Variants in CHST15 observed in about 807,000 individuals in gnomAD.
CHST15 encodes B cell RAG associated protein (GALNAC4S-6ST).
A neutral mutation model predicts 53.6 loss-of-function variants in CHST15; 30 were observed. The observed-to-expected ratio is 0.56, with a 90% CI of 0.42 to 0.76. The LOEUF (loss-of-function observed/expected upper bound fraction) is 0.76. CHST15 is among the 30% of genes least tolerant of loss of function. The pLI is 0.00. For missense variants in CHST15, 627 were observed against 740.5 expected (o/e 0.85, Z 1.78); for synonymous variants, 296 against 289.8 (o/e 1.02, Z -0.22).
chr10:124,011,870 A>G (rs1946426717), intron 7 of CHST15: 1 of 984,982 alleles, frequency 1.0e-6, no homozygotes, highest in South Asian at 4.7e-5. Context: ...CTAAGCCCCA[A>G]GTCCTCTGCT....
intron 5 of CHST15, among the ~76,000 whole-genome samples, chr10:124,023,930 G>A (rs1256388480): frequency 6.7e-6 from 1 of 150,020 alleles, no homozygotes; most frequent in Non-Finnish European, 1.5e-5. Flanking sequence ...TGCAACCTCC[G>A]CCTCCCGGGT....
intron 5 of CHST15, among the ~76,000 whole-genome samples, chr10:124,035,110 G>GGCTCCGCCCCCTAACAGGGACCCCA (rs1198496023): frequency 7.8e-6 from 1 of 128,662 alleles, no homozygotes; most frequent in Non-Finnish European, 1.6e-5. Context: ...CAGGGACCCC[G>GGCTCCGCCCCCTAACAGGGACCCCA]GCTCCGCCCC....
chr10:124,069,660 G>A (rs1236924689), intron 1 of CHST15, among the ~76,000 whole-genome samples: 2 of 152,222 alleles, frequency 1.3e-5, no homozygotes, highest in East Asian at 3.8e-4. Flanking sequence ...ACTTTAAACA[G>A]GTGAGGCAGA....
At chr10:124,057,675 G>A (rs890849654) in intron 1 of CHST15, among the ~76,000 whole-genome samples, 1 of 152,208 alleles carries the variant, frequency 6.6e-6, no homozygotes, top group African/African-American at 2.4e-5. Context: ...CAGAGAATCT[G>A]CAGAAGAACT....
intron 4 of CHST15, among the ~76,000 whole-genome samples, chr10:124,039,753 G>C (rs368013495): frequency 6.6e-6 from 1 of 152,362 alleles, no homozygotes; most frequent in East Asian, 1.9e-4. Context: ...TTTGAGGAGA[G>C]ACAGTGTGTG....
At chr10:124,023,937 G>A (rs987343632) in intron 5 of CHST15, among the ~76,000 whole-genome samples, 8 of 150,974 alleles carry the variant, frequency 5.3e-5, no homozygotes, top group East Asian at 2.0e-4. Flanking sequence ...TCCGCCTCCC[G>A]GGTTCAAGCA....
At chr10:124,050,273 C>A (rs1948146381) in intron 1 of CHST15, among the ~76,000 whole-genome samples, 1 of 152,138 alleles carries the variant, frequency 6.6e-6, no homozygotes, top group African/African-American at 2.4e-5. Flanking sequence ...GGCCTGTTCC[C>A]AAGTGGAGCT....
chr10:124,032,056 T>C (rs1436760108), intron 5 of CHST15, among the ~76,000 whole-genome samples: 2 of 152,218 alleles, frequency 1.3e-5, no homozygotes, highest in African/African-American at 4.8e-5. Flanking sequence ...TGTGTCCCCA[T>C]GAGTGACTGC....
chr10:124,076,533 G>A (rs140841748), intron 1 of CHST15, among the ~76,000 whole-genome samples: 70 of 152,200 alleles, frequency 4.6e-4, no homozygotes, highest in Non-Finnish European at 7.2e-4. Context: ...CCGTGCCCCC[G>A]GGGAGTTCAC....
At position 124,024,951 on chromosome 10, in the gene CHST15, A is replaced by G. The variant is rs1406833147; in HGVS notation, c.1191-3539T>C. Among the ~76,000 whole-genome samples, 2 of 152,242 alleles carry G rather than the reference A, an allele frequency of 1.3e-5. No individual in the cohort carries two copies. The highest frequency in any genetic ancestry group is 2.9e-5 in the Non-Finnish European group (2 of 68,036). On this transcript the variant is annotated intron_variant, in intron 5 of 7. Transcript: ENST00000435907. This position sits in a 1 kb window ranked among gnomAD's most constrained non-coding sequence, Gnocchi z 4.0. ...TCATAAAATCCCACGTTAAATAAGT[A>G]TTCGAAGCCCAGTTTTTACCAAAGA...
intron 1 of CHST15, among the ~76,000 whole-genome samples, chr10:124,058,306 AAAG>A (rs1209566594): frequency 3.9e-5 from 6 of 152,220 alleles, no homozygotes; most frequent in Admixed American, 2.6e-4. Flanking sequence ...GTTGGCGGCA[AAAG>A]AAGAAGGAAA....
chr10:124,031,870 T>C, intron 5 of CHST15, among the ~76,000 whole-genome samples: 1 of 152,142 alleles, frequency 6.6e-6, no homozygotes, highest in East Asian at 1.9e-4. Flanking sequence ...GAGCAGTAAG[T>C]GACAGGGCTG....
chr10:124,043,974 A>G (rs988838219), intron 3 of CHST15, among the ~76,000 whole-genome samples: 1 of 149,030 alleles, frequency 6.7e-6, no homozygotes, highest in Admixed American at 6.6e-5. Context: ...AGCACAGAGC[A>G]GGGAGCAGCA....
intron 5 of CHST15, among the ~76,000 whole-genome samples, chr10:124,032,922 T>TAGAAGTAA (rs1564866122): frequency 6.6e-5 from 10 of 151,796 alleles, no homozygotes; most frequent in Admixed American, 5.2e-4. Context: ...TTGGATCAAT[T>TAGAAGTAA]AGGCTGAATG....
rs36082614 is a variant in CHST15, at chr10:124,036,662, G to GCACACA, written c.1190+1847_1190+1852dup. On this transcript the variant is annotated intron_variant, in intron 5 of 7. Transcript: ENST00000435907. The surrounding 1 kb of genome is among the most constrained non-coding windows in gnomAD (Gnocchi z 5.1). ...TAAGACTGTCCTGTCACACCCATGTGCACACACACACACACACACACTTAT... is the reference window on the plus strand; with the variant it reads ...TAAGACTGTCCTGTCACACCCATGTGCACACACACACACACACACACACACACTTAT... 1.2e-3 allele frequency among the ~76,000 whole-genome samples: 179 copies of GCACACA among 149,704 alleles called. No homozygotes were observed. The highest frequency in any genetic ancestry group is 4.2e-3 in the African/African-American group (169 of 40,378).
At chr10:124,054,027 T>C (rs1948294583) in intron 1 of CHST15, among the ~76,000 whole-genome samples, 1 of 152,156 alleles carries the variant, frequency 6.6e-6, no homozygotes, top group Admixed American at 6.5e-5. Flanking sequence ...TCTGACAAAA[T>C]GTGTTTATGA....
intron 1 of CHST15, among the ~76,000 whole-genome samples, chr10:124,049,704 C>T (rs1948126338): frequency 6.6e-6 from 1 of 152,228 alleles, no homozygotes; most frequent in African/African-American, 2.4e-5. Flanking sequence ...CATCTGCTGG[C>T]TGTTTCTGCA....
chr10:124,033,220 A>G (rs1452946661), intron 5 of CHST15, among the ~76,000 whole-genome samples: 2 of 152,270 alleles, frequency 1.3e-5, no homozygotes. Context: ...GCCATGGGTC[A>G]TGGGCTTCGA....
intron 6 of CHST15, among the ~76,000 whole-genome samples, chr10:124,018,657 C>G (rs1438551230): frequency 1.3e-5 from 2 of 152,192 alleles, no homozygotes; most frequent in Non-Finnish European, 2.9e-5. Context: ...GCTGTTTTCT[C>G]AAATGCCAAG....
Sources: allele counts gnomAD v4.1 joint callset (sites outside exome capture counted in the v4.1 genomes callset), GRCh38; gene constraint gnomAD v4.1.1; non-coding constraint Gnocchi (gnomAD v3.1); transcripts MANE v1.5; gene names NCBI Gene and HGNC (gene_info 2026-07-23, HGNC 2026-07-21).